The following LARP4 variants were observed in gnomAD, a reference collection of about 807,000 sequenced individuals.
The protein encoded by LARP4 is La ribonucleoprotein 4, also known as la-related protein 4.
LARP4 carries 29 observed loss-of-function variants against 92.9 expected under a neutral mutation model. The ratio of observed to expected loss-of-function variants is 0.31; its 90% CI spans 0.23 to 0.43. LARP4 has a LOEUF of 0.43. Among genes scored for constraint, LARP4 ranks in the 20% least tolerant of loss-of-function variants. The pLI is 1.00. For missense variants in LARP4, 732 were observed against 860.0 expected, an observed-to-expected ratio of 0.85 and a Z score of 1.86; for synonymous variants, 279 against 284.1, an observed-to-expected ratio of 0.98 and a Z score of 0.18.
At chr12:50,456,943 G>C (rs562062364) in intron 10 of LARP4, among the ~76,000 whole-genome samples, 13 of 152,146 alleles carry the variant, frequency 8.5e-5, no homozygotes, top group Non-Finnish European at 1.8e-4. Flanking sequence ...AGACGGAGTC[G>C]TGCTCTGTCA....
At chr12:50,406,964 C>T (rs1944960619) in intron 1 of LARP4, among the ~76,000 whole-genome samples, 1 of 152,130 alleles carries the variant, frequency 6.6e-6, no homozygotes, top group Admixed American at 6.5e-5. Flanking sequence ...ATCTACCTGC[C>T]TCAGCCTCCC....
chr12:50,423,743 G>A (rs1299902896), intron 1 of LARP4, among the ~76,000 whole-genome samples: 2 of 150,630 alleles, frequency 1.3e-5, no homozygotes, highest in South Asian at 2.1e-4. Flanking sequence ...CATCGTCCCC[G>A]GCCTGTAATT....
intron 1 of LARP4, among the ~76,000 whole-genome samples, chr12:50,418,487 A>T (rs990363202): frequency 6.6e-6 from 1 of 152,328 alleles, no homozygotes; most frequent in East Asian, 1.9e-4. Flanking sequence ...AGAATTCCTC[A>T]CGGCTCTTTT....
intron 1 of LARP4, chr12:50,415,854 A>G (rs1055737937): frequency 2.6e-5 from 4 of 151,370 alleles, no homozygotes; most frequent in Non-Finnish European, 4.4e-5. Context: ...ATGCCCAGCT[A>G]ATTCTTGTTT....
chr12:50,439,747 C>A (rs1231557780), intron 6 of LARP4, among the ~76,000 whole-genome samples: 1 of 152,068 alleles, frequency 6.6e-6, no homozygotes, highest in Non-Finnish European at 1.5e-5. Flanking sequence ...CCTTCTGTTA[C>A]TTCTTAAGGA....
chr12:50,436,125 GTGTGTGTGTGTGTGT>G (rs1173531839), intron 5 of LARP4, among the ~76,000 whole-genome samples: 22 of 137,300 alleles, frequency 1.6e-4, no homozygotes, highest in African/African-American at 6.1e-4. Flanking sequence ...TGTGTGATAT[GTGTGTGTGTGTGTGT>G]ATATATCCCG....
intron 10 of LARP4, among the ~76,000 whole-genome samples, chr12:50,456,789 T>G (rs1954333965): frequency 6.6e-6 from 1 of 152,216 alleles, no homozygotes; most frequent in Non-Finnish European, 1.5e-5. Context: ...GAGGGCTGTA[T>G]AAATGTAGTA....
intron 10 of LARP4, among the ~76,000 whole-genome samples, chr12:50,456,936 C>T (rs548690296): frequency 7.9e-5 from 12 of 151,708 alleles, no homozygotes; most frequent in Admixed American, 1.3e-4. Flanking sequence ...TTTTTTGAGA[C>T]GGAGTCGTGC....
At chr12:50,426,711 GT>G (rs1565986732) in intron 1 of LARP4, among the ~76,000 whole-genome samples, 45 of 139,696 alleles carry the variant, frequency 3.2e-4, no homozygotes, top group African/African-American at 1.0e-3. Context: ...GTGTGTGTGT[GT>G]GTGTGTGTGT....
chr12:50,423,156 A>C (rs986511168), intron 1 of LARP4, among the ~76,000 whole-genome samples: 9 of 152,090 alleles, frequency 5.9e-5, no homozygotes, highest in Non-Finnish European at 8.8e-5. Flanking sequence ...AAACTAGTAA[A>C]TATAAATAGT....
intron 6 of LARP4, among the ~76,000 whole-genome samples, chr12:50,438,660 C>G (rs185258333): frequency 2.2e-4 from 34 of 152,292 alleles, no homozygotes; most frequent in Admixed American, 2.2e-3. Context: ...CCAGTTATTA[C>G]TTTGCAATTA....
At chr12:50,470,128 A>T (rs1956748937) in intron 13 of LARP4, among the ~76,000 whole-genome samples, 1 of 151,664 alleles carries the variant, frequency 6.6e-6, no homozygotes, top group Non-Finnish European at 1.5e-5. Flanking sequence ...GGAAGCTGAG[A>T]CAAGAGGATT....
intron 8 of LARP4, among the ~76,000 whole-genome samples, chr12:50,448,101 G>A (rs2138017040): frequency 6.6e-6 from 1 of 152,238 alleles, no homozygotes; most frequent in East Asian, 1.9e-4. Flanking sequence ...TCCTGACCTT[G>A]TGATCCACGC....
chr12:50,446,007 T>TC (rs1293717858), intron 8 of LARP4, among the ~76,000 whole-genome samples: 2 of 146,114 alleles, frequency 1.4e-5, no homozygotes, highest in Admixed American at 6.8e-5. Flanking sequence ...TTTTTTCTTT[T>TC]TTTTTTTTTT....
rs552948590 is a variant in LARP4 at position 50,433,114 on chromosome 12, A to C, written c.399-2374A>C. 9.9e-5 allele frequency among the ~76,000 whole-genome samples: 15 copies of C among 152,138 alleles called. No individual in the cohort carries two copies. The South Asian group carries it at 3.1e-3, about 32-fold the overall frequency. On this transcript the variant is annotated intron_variant, in intron 4 of 15. Coordinates refer to ENST00000398473, the MANE Select transcript of LARP4 (RefSeq NM_052879.5). ...CCCATTACACTTACCACATACTTAT[A>C]CACAACTGCCTGGAGATCTGCTGGT...
chr12:50,435,120 A>G (rs563262138), intron 4 of LARP4, among the ~76,000 whole-genome samples: 142 of 152,324 alleles, frequency 9.3e-4, no homozygotes, highest in Admixed American at 3.7e-3. Context: ...TTTATCATGC[A>G]TATTCTAATA....
At chr12:50,451,523 C>A (rs1218366150) in intron 8 of LARP4, among the ~76,000 whole-genome samples, 1 of 152,072 alleles carries the variant, frequency 6.6e-6, no homozygotes, top group Non-Finnish European at 1.5e-5. Context: ...CATGGTGAAA[C>A]CCCATCTCTA....
At chr12:50,466,126 T>TTTGCA (rs1956121439) in intron 12 of LARP4, among the ~76,000 whole-genome samples, 1 of 152,180 alleles carries the variant, frequency 6.6e-6, no homozygotes, top group African/African-American at 2.4e-5. Flanking sequence ...TCTGTCAGGT[T>TTTGCA]TTGCATTGTT....
Position 50,400,943 on chromosome 12 carries a change from T to C in LARP4, c.-68T>C. ...GAGTGTGTGTCCTTATCCTAGCAAT[T>C]GGGGCGCGGGCCTGTGAGCCAGTTG... is the stretch of plus-strand genomic sequence containing the variant. On this transcript the variant is annotated 5_prime_UTR_variant, in exon 1 of 16. Coordinates refer to ENST00000398473, the MANE Select transcript of LARP4 (RefSeq NM_052879.5). The C allele has an allele frequency of 6.2e-7, 1 of 1,610,362 alleles. No individual in the cohort carries two copies. Among genetic ancestry groups the C allele is most frequent in the East Asian group, 2.2e-5 (1 of 44,828 alleles).
Sources: gnomAD v4.1 joint callset for allele counts (sites outside exome capture counted in the v4.1 genomes callset) on GRCh38, gnomAD v4.1.1 for gene constraint, MANE v1.5 for transcripts, NCBI Gene and HGNC (gene_info 2026-07-23, HGNC 2026-07-21) for gene names.